Variants in NFU1 observed in about 807,000 individuals in gnomAD.
The protein encoded by NFU1 is NFU1 iron-sulfur cluster scaffold homolog, mitochondrial.
NFU1 carries 30 observed loss-of-function variants against 32.2 expected under a neutral mutation model. That is an observed-to-expected ratio of 0.93 (90% CI 0.70 to 1.26). The LOEUF is 1.26. Among genes scored for constraint, NFU1 ranks in the 50% most tolerant of loss-of-function variants. The pLI, the probability that NFU1 is intolerant of heterozygous loss-of-function variation, is 0.00. For synonymous variants in NFU1, 112 were observed against 104.6 expected, an observed-to-expected ratio of 1.07 and a Z score of -0.43; for missense variants, 306 against 306.6, an observed-to-expected ratio of 1.00 and a Z score of 0.02.
In NFU1 at chr2:69,417,419, G is replaced by T. The variant is rs1174265670; in HGVS notation, c.369+2119C>A. On this transcript the variant is annotated intron_variant, in intron 4 of 7. Coordinates refer to ENST00000410022, the MANE Select transcript of NFU1 (RefSeq NM_001002755.4). ...ACATTTTGGGAGGCCGAGACAGAAG[G>T]ATTGCATGAGCCCAGGAGTTTGAGA... Among the ~76,000 whole-genome samples the T allele has an allele frequency of 5.3e-5, 8 of 151,666 alleles. No individual in the cohort carries two copies. In the East Asian group the frequency reaches 1.5e-3, roughly 29 times the overall value.
At chr2:69,431,742 T>C (rs1467241770) in intron 2 of NFU1, among the ~76,000 whole-genome samples, 160 bp downstream of exon 2, 1 of 152,252 alleles carries the variant, frequency 6.6e-6, no homozygotes, top group African/African-American at 2.4e-5. Context: ...CATTTTCTAC[T>C]TAGAAGCCTA....
intron 5 of NFU1, among the ~76,000 whole-genome samples, chr2:69,412,677 G>A (rs948351597): frequency 1.3e-5 from 2 of 151,940 alleles, no homozygotes; most frequent in Non-Finnish European, 2.9e-5. Flanking sequence ...GAGCCACCAC[G>A]CCCAGCCAAA....
At chr2:69,419,419 C>CA (rs1673168070) in intron 4 of NFU1, 119 bp downstream of exon 4, 3 of 658,008 alleles carry the variant, frequency 4.6e-6, no homozygotes, top group Non-Finnish European at 8.2e-6. Flanking sequence ...GACCCTGTCT[C>CA]AAAAATAAAA....
chr2:69,423,572 A>T lies in NFU1; in HGVS notation c.302+10T>A, dbSNP rs1244642530. ...TTTCTTGGTAAAAGCAAATGAAAAC[A>T]GTAATATACCTAGCCAGAGGGGAGC... On this transcript the variant is annotated intron_variant, in intron 3 of 7. Coordinates refer to ENST00000410022, the MANE Select transcript of NFU1 (RefSeq NM_001002755.4). 6.2e-7 allele frequency: 1 copy of T among 1,609,396 alleles called. No homozygotes were observed. The highest frequency in any genetic ancestry group is 1.3e-5 in the African/African-American group (1 of 74,768).
chr2:69,435,636 G>A (rs1183427560), intron 1 of NFU1, among the ~76,000 whole-genome samples: 2 of 152,118 alleles, frequency 1.3e-5, no homozygotes, highest in Non-Finnish European at 2.9e-5. Flanking sequence ...TTGGCACCGA[G>A]GATTCAAGAG....
At chr2:69,402,421 A>G (rs10172839) in intron 6 of NFU1, among the ~76,000 whole-genome samples, 101,346 of 151,950 alleles carry the variant, frequency 0.67, 35,423 homozygotes, top group African/African-American at 0.89. Flanking sequence ...AAAACTCCTA[A>G]GCTCAAGGGA....
chr2:69,439,014 T>C (rs1361104983), upstream of NFU1, among the ~76,000 whole-genome samples: 1 of 151,700 alleles, frequency 6.6e-6, no homozygotes, highest in Non-Finnish European at 1.5e-5. Flanking sequence ...ATCGTTCTTC[T>C]CAGACTTCAA....
intron 2 of NFU1, among the ~76,000 whole-genome samples, chr2:69,424,170 C>CAAAAAAAAA (rs57078704): frequency 2.3e-5 from 1 of 42,936 alleles, no homozygotes; most frequent in African/African-American, 9.9e-5. Flanking sequence ...GACTCTGTCT[C>CAAAAAAAAA]AAAAAAAAAA....
chr2:69,413,291 A>C (rs1205832386), intron 5 of NFU1, among the ~76,000 whole-genome samples: 7 of 150,562 alleles, frequency 4.6e-5, no homozygotes, highest in Non-Finnish European at 1.0e-4. Context: ...GTTTCAAAAA[A>C]AAAAAAGAAA....
chr2:69,438,866 C>T (rs1264449415), upstream of NFU1, among the ~76,000 whole-genome samples: 1 of 92,650 alleles, frequency 1.1e-5, no homozygotes, highest in African/African-American at 6.2e-5. Flanking sequence ...CCCCATCCAA[C>T]CCCCCACCCA....
Position 69,402,569 on chromosome 2 carries a change from C to G in NFU1, c.546-2031G>C, listed in dbSNP as rs185311970. Among the ~76,000 whole-genome samples the G allele has an allele frequency of 4.7e-3, 717 of 152,214 alleles. 11 individuals are homozygous for G. Among genetic ancestry groups the G allele is most frequent in the Admixed American group, 0.011 (174 of 15,270 alleles). On this transcript the variant is annotated intron_variant, in intron 6 of 7. Transcript: ENST00000410022. ...TATATGTATTTTCCTTGATTTTTAT[C>G]TGATATATATATACATATATTTATT... is the stretch of plus-strand genomic sequence containing the variant.
rs1156891721 is a variant in NFU1 at position 69,400,536 on chromosome 2, G to A, written c.548C>T (p.Pro183Leu). 6.2e-7 allele frequency: 1 copy of A among 1,613,516 alleles called. No individual in the cohort carries two copies. The change falls in exon 7 of 8, where the codon CCA becomes CTA. Residue 183 changes from proline (P) to leucine (L), a missense_variant and splice_region_variant. Pro to Leu is a moderately conservative substitution (Grantham distance 98). Transcript: ENST00000410022. Reference protein sequence around the residue: ...IKELLDTRIRPTVQEDGGDVI... With the variant: ...IKELLDTRIRLTVQEDGGDVI... ...ATCCCCTCCATCTTCCTGCACAGTT[G>A]GCCTGTGAGGTCAAAGAATATTTAT...
chr2:69,439,341 G>T (rs1673983589), upstream of NFU1, among the ~76,000 whole-genome samples: 1 of 152,096 alleles, frequency 6.6e-6, no homozygotes, highest in Non-Finnish European at 1.5e-5. Context: ...CTTAAAGATG[G>T]TGTGTCCAGA....
At chr2:69,422,426 A>T (rs1673277002) in intron 3 of NFU1, among the ~76,000 whole-genome samples, 1 of 152,216 alleles carries the variant, frequency 6.6e-6, no homozygotes, top group Non-Finnish European at 1.5e-5. Flanking sequence ...GGTGAATTTT[A>T]AAACTGTCCC....
chr2:69,403,331 G>A (rs1355917885), intron 6 of NFU1, among the ~76,000 whole-genome samples: 1 of 151,690 alleles, frequency 6.6e-6, no homozygotes, highest in African/African-American at 2.4e-5. Flanking sequence ...TTCCTATTTT[G>A]CATTGTTTCA....
At chr2:69,423,208 TG>T (rs373958082) in intron 3 of NFU1, among the ~76,000 whole-genome samples, 900 of 66,180 alleles carry the variant, frequency 0.014, 63 homozygotes, top group African/African-American at 0.031. Context: ...TGTGTGTGTG[TG>T]GGGGGGGGCG....
chr2:69,405,579 C>T (rs1026059066), intron 6 of NFU1, among the ~76,000 whole-genome samples: 1 of 152,178 alleles, frequency 6.6e-6, no homozygotes, highest in African/African-American at 2.4e-5. Context: ...TCCAGCTTTT[C>T]TGGGAGTTCT....
At chr2:69,436,081 T>C (rs1442479190) in intron 1 of NFU1, among the ~76,000 whole-genome samples, 3 of 152,174 alleles carry the variant, frequency 2.0e-5, no homozygotes, top group African/African-American at 7.2e-5. Context: ...ACAGCACTCA[T>C]GACTGTCATT....
At chr2:69,413,849 C>T (rs547321667) in intron 5 of NFU1, among the ~76,000 whole-genome samples, 144 of 151,924 alleles carry the variant, frequency 9.5e-4, no homozygotes, top group Middle Eastern at 3.4e-3. Flanking sequence ...GAGTTCAAGA[C>T]CAGCCTGGCC....
Sources: allele counts gnomAD v4.1 joint callset (sites outside exome capture counted in the v4.1 genomes callset), GRCh38; gene constraint gnomAD v4.1.1; transcripts MANE v1.5; gene names NCBI Gene and HGNC (gene_info 2026-07-23, HGNC 2026-07-21).